WDHD1: variants seen among roughly 807,000 people sequenced by gnomAD.
WDHD1 encodes the protein WD repeat and HMG-box DNA binding protein 1, also known as WD repeat and HMG-box DNA-binding protein 1.
In WDHD1, 111 loss-of-function variants were observed where a neutral mutation model predicts 135.4. That is an observed-to-expected ratio of 0.82 (90% CI 0.70 to 0.96). The LOEUF is 0.96. Ranked by LOEUF, WDHD1 falls within the 40% of genes least tolerant of loss-of-function variation. The pLI is 0.00. For synonymous variants in WDHD1, 434 were observed against 439.0 expected (o/e 0.99, Z 0.14); for missense variants, 1,351 against 1,336.3 (o/e 1.01, Z -0.17).
At position 54,981,587 on chromosome 14, in the gene WDHD1, A is replaced by G; in HGVS notation, c.2016T>C (p.Ser672=). 1 of 1,613,714 alleles carries G rather than the reference A, an allele frequency of 6.2e-7. No individual in the cohort carries two copies. Among genetic ancestry groups the G allele is most frequent in the Middle Eastern group, 1.7e-4 (1 of 6,060 alleles). Residue 672 remains serine, a synonymous_variant, in exon 16 of 26, where the codon TCT becomes TCC. Transcript: ENST00000360586. The stretch of plus-strand genomic sequence containing the variant: ...GGATACCAACCACCCAGTAGTGATC[A>G]GATTTTCCTTTGCAGTGCTCTCTTG... ...CNTREHCKGK[S]DHYWVVGIHE... is the part of the protein sequence containing the mutation.
intron 15 of WDHD1, among the ~76,000 whole-genome samples, chr14:54,983,680 TAA>T (rs113964065): frequency 4.7e-5 from 7 of 147,820 alleles, no homozygotes; most frequent in African/African-American, 7.4e-5. Flanking sequence ...ATTTATTCCT[TAA>T]AAAAAAAAAA....
At chr14:55,019,888 A>G (rs2042317855) in intron 2 of WDHD1, among the ~76,000 whole-genome samples, 1 of 152,206 alleles carries the variant, frequency 6.6e-6, no homozygotes, top group African/African-American at 2.4e-5. Context: ...GAAATCCGCT[A>G]TCAGTGTCTG....
intron 10 of WDHD1, among the ~76,000 whole-genome samples, chr14:54,997,469 A>C (rs1450006320): frequency 6.6e-6 from 1 of 152,298 alleles, no homozygotes; most frequent in East Asian, 1.9e-4. Flanking sequence ...TGAGATGAAA[A>C]AGTGTTTCTA....
At chr14:54,977,278 T>C (rs2041540760) in intron 16 of WDHD1, among the ~76,000 whole-genome samples, 1 of 152,182 alleles carries the variant, frequency 6.6e-6, no homozygotes, top group South Asian at 2.1e-4. Flanking sequence ...ATAAAGTGTC[T>C]AGGAATGCAC....
At chr14:55,013,189 C>G (rs1235265581) in intron 3 of WDHD1, among the ~76,000 whole-genome samples, 35 of 67,674 alleles carry the variant, frequency 5.2e-4, no homozygotes, top group African/African-American at 3.2e-3. Flanking sequence ...GGCAAGATCC[C>G]GTTTCAAAAA....
chr14:54,961,703 T>A (rs1391857923), intron 21 of WDHD1, among the ~76,000 whole-genome samples: 1 of 152,194 alleles, frequency 6.6e-6, no homozygotes, highest in African/African-American at 2.4e-5. Flanking sequence ...TAAATCAAAG[T>A]AACATATGTC....
Position 54,995,788 on chromosome 14 carries a change from T to C in WDHD1, c.968A>G (p.Tyr323Cys), listed in dbSNP as rs923455443. The C allele has an allele frequency of 1.2e-6, 2 of 1,607,298 alleles. No homozygotes were observed. The highest frequency in any genetic ancestry group is 1.7e-6 in the Non-Finnish European group (2 of 1,176,706). Residue 323 changes from tyrosine (Y) to cysteine (C), a missense_variant, in exon 11 of 26, where the codon TAT (tyrosine) becomes TGT (cysteine). By Grantham distance (194) the Tyr-to-Cys change is radical (BLOSUM62 -2). Coordinates refer to ENST00000360586, the MANE Select transcript of WDHD1 (RefSeq NM_007086.4). Reference sequence around the variant, plus strand: ...ATCATCTCCATCAAAAAGATCATTATAATCCTTTTCCACTCTGCTAGATAC... The same window carrying C: ...ATCATCTCCATCAAAAAGATCATTACAATCCTTTTCCACTCTGCTAGATAC... ...SKVSSRVEKD[Y>C]NDLFDGDDMS...
intron 23 of WDHD1, 37 bp from the exon 24 acceptor site, chr14:54,955,731 G>C (rs758192026): frequency 9.2e-5 from 131 of 1,421,418 alleles, no homozygotes; most frequent in Non-Finnish European, 1.1e-4. Flanking sequence ...ATAACATCTA[G>C]TATAATTTTA....
chr14:55,017,595 A>G (rs1419403374), intron 2 of WDHD1, among the ~76,000 whole-genome samples: 1 of 152,304 alleles, frequency 6.6e-6, no homozygotes, highest in African/African-American at 2.4e-5. Context: ...CACCTACCTC[A>G]GCTTTCCAAA....
At chr14:55,016,705 G>T (rs1045687945) in intron 2 of WDHD1, among the ~76,000 whole-genome samples, 3 of 152,216 alleles carry the variant, frequency 2.0e-5, no homozygotes, top group Non-Finnish European at 4.4e-5. Context: ...TTTTAACGAA[G>T]TTAACCTTAA....
intron 16 of WDHD1, among the ~76,000 whole-genome samples, chr14:54,970,394 T>C (rs1295786215): frequency 6.6e-6 from 1 of 152,142 alleles, no homozygotes; most frequent in Admixed American, 6.5e-5. Flanking sequence ...AAATCAAGTA[T>C]GCAATCCCAT....
intron 16 of WDHD1, among the ~76,000 whole-genome samples, chr14:54,980,710 G>A (rs1434833790): frequency 6.7e-6 from 1 of 149,372 alleles, no homozygotes; most frequent in East Asian, 2.0e-4. Context: ...GGAGGCTGAG[G>A]TAGAAGAATA....
chr14:55,009,217 T>C (rs1371741584), intron 4 of WDHD1, among the ~76,000 whole-genome samples: 1 of 152,228 alleles, frequency 6.6e-6, no homozygotes, highest in Non-Finnish European at 1.5e-5. Flanking sequence ...TTTCCCATTA[T>C]GCTAAAATAC....
chr14:55,005,091 T>C (rs924768316), intron 7 of WDHD1: 7 of 536,294 alleles, frequency 1.3e-5, no homozygotes, highest in African/African-American at 1.9e-5. Context: ...AGGAACACTG[T>C]AGAAGTAGAG....
rs1196662478 is a variant in WDHD1 at position 55,013,479 on chromosome 14, T to A, written c.189+6A>T. ...TCATATCAATTGATATAACTGTTTT[T>A]ACTACCTTCAAAGCACATGAATATG... On this transcript the variant is annotated splice_donor_region_variant and intron_variant, in intron 3 of 25. Coordinates refer to ENST00000360586, the MANE Select transcript of WDHD1 (RefSeq NM_007086.4). The A allele has an allele frequency of 6.3e-7, 1 of 1,599,490 alleles. No homozygotes were observed. The highest frequency in any genetic ancestry group is 8.6e-7 in the Non-Finnish European group (1 of 1,166,792).
intron 10 of WDHD1, among the ~76,000 whole-genome samples, chr14:54,999,610 T>C (rs1417535942): frequency 6.6e-6 from 1 of 152,186 alleles, no homozygotes; most frequent in Non-Finnish European, 1.5e-5. Context: ...TTTTTATTTT[T>C]ATTTTTTAGA....
intron 21 of WDHD1, among the ~76,000 whole-genome samples, chr14:54,961,636 A>G (rs1326776228): frequency 1.3e-5 from 2 of 152,190 alleles, no homozygotes; most frequent in African/African-American, 4.8e-5. Flanking sequence ...TGGCTAGATG[A>G]CAGCTATGTG....
chr14:54,985,504 G>A (rs2041681669), intron 14 of WDHD1, among the ~76,000 whole-genome samples: 1 of 152,168 alleles, frequency 6.6e-6, no homozygotes, highest in African/African-American at 2.4e-5. Context: ...AGGTTGGAGA[G>A]GCAGGCAAAG....
Position 54,967,305 on chromosome 14 carries a change from A to G in WDHD1, c.2153T>C (p.Ile718Thr). ...CTCCATTTGTCCTTTCTCTGTTGCA[A>G]TCTGACAGTAAGGAAGCTTAAAGGA... The part of the protein sequence containing the change: ...ILSFKLPYCQ[I>T]ATEKGQMEEQ... Residue 718 changes from isoleucine (I) to threonine (T), a missense_variant, in exon 17 of 26, where the codon ATT (isoleucine) becomes ACT (threonine). Physicochemically the swap from Ile to Thr is moderately conservative, Grantham distance 89. Around this residue, in one of 2 missense-constraint regions of WDHD1, gnomAD observed 1,330 missense variants for 1,296.1 expected, o/e 1.03. Transcript: ENST00000360586. The G allele has an allele frequency of 2.5e-6, 4 of 1,612,036 alleles. No homozygotes were observed. The highest frequency in any genetic ancestry group is 1.7e-6 in the Non-Finnish European group (2 of 1,178,618).
Sources: gnomAD v4.1 joint callset for allele counts (sites outside exome capture counted in the v4.1 genomes callset) on GRCh38, gnomAD v4.1.1 for gene constraint, gnomAD v4.1.1 regional missense constraint, MANE v1.5 for transcripts, NCBI Gene and HGNC (gene_info 2026-07-23, HGNC 2026-07-21) for gene names.